ASIC4: variants seen among roughly 807,000 people sequenced by gnomAD.
The protein encoded by ASIC4 is acid-sensing ion channel 4.
A neutral mutation model predicts 53.4 loss-of-function variants in ASIC4; 28 were observed. The observed-to-expected ratio is 0.52, with a 90% CI of 0.39 to 0.72. ASIC4 has a LOEUF of 0.72. Ranked by LOEUF, ASIC4 falls within the 30% of genes least tolerant of loss-of-function variation. The pLI is 0.00. For missense variants in ASIC4, 649 were observed against 729.7 expected, an observed-to-expected ratio of 0.89 and a Z score of 1.27; for synonymous variants, 289 against 301.4, an observed-to-expected ratio of 0.96 and a Z score of 0.43.
chr2:219,514,407 C>A, upstream of ASIC4: 1 of 1,548,786 alleles, frequency 6.5e-7, no homozygotes. Flanking sequence ...CTCGCTCACT[C>A]GCTCGCTCGC....
the ASIC4 span, among the ~76,000 whole-genome samples, chr2:219,508,699 G>A: frequency 3.3e-5 from 5 of 151,552 alleles, no homozygotes; most frequent in African/African-American, 7.3e-5. Flanking sequence ...TTTGTCCACC[G>A]CTGCTGGGAC....
chr2:219,515,149 T>C lies in ASIC4; in HGVS notation c.425T>C (p.Leu142Pro). 6.2e-7 allele frequency: 1 copy of C among 1,614,210 alleles called. No individual in the cohort carries two copies. The highest frequency in any genetic ancestry group is 8.5e-7 in the Non-Finnish European group (1 of 1,180,034). ...TTCCACCTGGCCAATCTGACAGGGC[T>C]GCCCCCCAAAGACCGGGATGGGCAC... Reference protein sequence around the residue: ...DIFHLANLTGLPPKDRDGHRA... With the variant: ...DIFHLANLTGPPPKDRDGHRA... Residue 142 changes from leucine (L) to proline (P), a missense_variant, in exon 1 of 10, where the codon CTG becomes CCG. Coordinates refer to ENST00000358078, the MANE Select transcript of ASIC4 (RefSeq NM_018674.6).
At position 219,515,289 on chromosome 2, in the gene ASIC4, G is replaced by C; in HGVS notation, c.565G>C (p.Ala189Pro). ...CAACTTCAGTGGGCATCACTGCTCC[G>C]CCAGCAACTTCTCTGTGGTGAGTTC... is the stretch of plus-strand genomic sequence containing the variant. ...SCNFSGHHCS[A>P]SNFSVVYTRY... Residue 189 changes from alanine (A) to proline (P), a missense_variant, in exon 1 of 10, where the codon GCC becomes CCC. Physicochemically the swap from Ala to Pro is conservative, Grantham distance 27. Transcript: ENST00000358078. 6.2e-7 allele frequency: 1 copy of C among 1,610,398 alleles called. No homozygotes were observed.
chr2:219,528,738 C>T (rs1694996242), intron 1 of ASIC4, among the ~76,000 whole-genome samples: 1 of 152,124 alleles, frequency 6.6e-6, no homozygotes, highest in South Asian at 2.1e-4. Context: ...TGTGGTTTCA[C>T]CATGTTGGTC....
rs1490574988 is a variant in ASIC4, at chr2:219,514,778, C to T, written c.54C>T (p.Pro18=). The change falls in exon 1 of 10, where the codon CCC becomes CCT. Residue 18 remains proline (P), a synonymous_variant. Coordinates refer to ENST00000358078, the MANE Select transcript of ASIC4 (RefSeq NM_018674.6). ...KIKFAEEDAK[P]KEKEAGDEQS... ...AATTTGCTGAGGAGGATGCGAAACCCAAGGAGAAGGAGGCAGGGGATGAGC... is the reference window on the plus strand; with the variant it reads ...AATTTGCTGAGGAGGATGCGAAACCTAAGGAGAAGGAGGCAGGGGATGAGC... The T allele has an allele frequency of 1.2e-6, 2 of 1,613,536 alleles. No individual in the cohort carries two copies. Among genetic ancestry groups the T allele is most frequent in the Middle Eastern group, 3.3e-4 (2 of 6,062 alleles).
rs1317839699 is a variant in ASIC4, at chr2:219,514,985, C to T, written c.261C>T (p.Gly87=). ...CTGCCTTCCTGTACCAGGCGGCTGGCCTGGCCCGGGGCTACCTGACCCGGC... is the reference window on the plus strand; with the variant it reads ...CTGCCTTCCTGTACCAGGCGGCTGGTCTGGCCCGGGGCTACCTGACCCGGC... The part of the protein sequence containing the change: ...SLAAFLYQAA[G]LARGYLTRPH... The change falls in exon 1 of 10, where the codon GGC becomes GGT. Residue 87 remains glycine (G), a synonymous_variant. Transcript: ENST00000358078. The T allele has an allele frequency of 2.5e-6, 4 of 1,613,108 alleles. No homozygotes were observed. Among genetic ancestry groups the T allele is most frequent in the Middle Eastern group, 1.6e-4 (1 of 6,084 alleles).
At chr2:219,532,619 T>C (rs1378059419) in intron 4 of ASIC4, 142 bp downstream of exon 4, 6 of 1,232,322 alleles carry the variant, frequency 4.9e-6, no homozygotes, top group Non-Finnish European at 5.5e-6. Context: ...GTGTGAGTGT[T>C]TGGGATTTTT....
At chr2:219,529,147 T>C (rs900194762) in intron 1 of ASIC4, among the ~76,000 whole-genome samples, 2 of 152,232 alleles carry the variant, frequency 1.3e-5, no homozygotes, top group African/African-American at 4.8e-5. Context: ...CTCTGTAGAA[T>C]GGGGAGATAA....
chr2:219,523,105 C>T (rs1694913992), intron 1 of ASIC4, among the ~76,000 whole-genome samples: 1 of 151,372 alleles, frequency 6.6e-6, no homozygotes, highest in Non-Finnish European at 1.5e-5. Context: ...TCTGTCTTGT[C>T]TCCTGAACTC....
chr2:219,537,754 A>T lies in ASIC4; in HGVS notation c.1506+18A>T, dbSNP rs1695168520. 1.2e-6 allele frequency: 2 copies of T among 1,606,760 alleles called. No individual in the cohort carries two copies. The highest frequency in any genetic ancestry group is 1.7e-6 in the Non-Finnish European group (2 of 1,175,524). ...AGGAACAGGTGAGGACAAGCTCTAAATGCCTGCAGCATGCAGCCACACCTC... is the reference window on the plus strand; with the variant it reads ...AGGAACAGGTGAGGACAAGCTCTAATTGCCTGCAGCATGCAGCCACACCTC... On this transcript the variant is annotated intron_variant, in intron 9 of 9. Coordinates refer to ENST00000358078, the MANE Select transcript of ASIC4 (RefSeq NM_018674.6). This position sits in a 1 kb window ranked among gnomAD's most constrained non-coding sequence, Gnocchi z 4.9.
intron 1 of ASIC4, 84 bp downstream of exon 1, chr2:219,515,390 G>A (rs1694769954): frequency 2.7e-6 from 4 of 1,494,850 alleles, no homozygotes; most frequent in Non-Finnish European, 3.6e-6. Flanking sequence ...GTGTACAGGG[G>A]CATCCTCAAC....
upstream of ASIC4, chr2:219,514,233 C>T: frequency 7.7e-7 from 1 of 1,301,028 alleles, no homozygotes; most frequent in Non-Finnish European, 1.0e-6. Context: ...GGATCTCTGT[C>T]CTGGGCTGGG....
At position 219,531,900 on chromosome 2, in the gene ASIC4, C is replaced by G; in HGVS notation, c.725C>G (p.Thr242Arg). The G allele has an allele frequency of 6.2e-7, 1 of 1,610,912 alleles. No homozygotes were observed. Among genetic ancestry groups the G allele is most frequent in the Non-Finnish European group, 8.5e-7 (1 of 1,178,064 alleles). The change falls in exon 2 of 10, where the codon ACA (threonine) becomes AGA (arginine). Residue 242 changes from threonine to arginine, a missense_variant and splice_region_variant. Physicochemically the swap from Thr to Arg is moderately conservative, Grantham distance 71 (BLOSUM62 -1). Coordinates refer to ENST00000358078, the MANE Select transcript of ASIC4 (RefSeq NM_018674.6). ...GAGTACCTGCCCATCTGGAGGGAGA[C>G]AAGTACGCAGGCCGGAAAGGGACAA... ...QEEYLPIWRE[T>R]NETSFEAGIR...
intron 5 of ASIC4, among the ~76,000 whole-genome samples, chr2:219,534,923 C>CG (rs886147059): frequency 6.6e-6 from 1 of 152,088 alleles, no homozygotes; most frequent in Non-Finnish European, 1.5e-5. Flanking sequence ...AGGACCCCCC[C>CG]CCAGTCCCAG....
rs1695173331 is a variant in ASIC4, at chr2:219,537,943, C to CGAGCCG, written c.1519_1524dup (p.Ser507_Arg508dup). ...TTCTTTCTCCTGCAGAGTCCCTGCC[C>CGAGCCG]GAGCCGGGGCCGAGTGGAGGGTGGG... On this transcript the variant is annotated inframe_insertion, in exon 10 of 10. Transcript: ENST00000358078. This position sits in a 1 kb window ranked among gnomAD's most constrained non-coding sequence, Gnocchi z 4.9. 1.9e-6 allele frequency: 3 copies of CGAGCCG among 1,608,278 alleles called. No individual in the cohort carries two copies. Among genetic ancestry groups the CGAGCCG allele is most frequent in the Admixed American group, 1.7e-5 (1 of 59,344 alleles).
upstream of ASIC4, among the ~76,000 whole-genome samples, chr2:219,513,391 A>G (rs1428637503): frequency 6.6e-6 from 1 of 151,138 alleles, no homozygotes; most frequent in Non-Finnish European, 1.5e-5. Context: ...ACCCCCACCT[A>G]TGATGATGGC....
Position 219,536,777 on chromosome 2 carries a change from G to A in ASIC4, c.1230-289G>A, listed in dbSNP as rs565343497. ...GGGTCACTGAAGGGTCCGCAGAGGC[G>A]TAAGGAGGAGGCAAAGGCAACACCA... On this transcript the variant is annotated intron_variant, in intron 6 of 9. Coordinates refer to ENST00000358078, the MANE Select transcript of ASIC4 (RefSeq NM_018674.6). The surrounding 1 kb of genome is among the most constrained non-coding windows in gnomAD (Gnocchi z 4.6). Among the ~76,000 whole-genome samples the A allele has an allele frequency of 5.3e-5, 8 of 152,108 alleles. No individual in the cohort carries two copies. Among genetic ancestry groups the A allele is most frequent in the African/African-American group, 1.7e-4 (7 of 41,466 alleles).
chr2:219,522,171 C>T (rs564144828), intron 1 of ASIC4, among the ~76,000 whole-genome samples: 1 of 152,088 alleles, frequency 6.6e-6, no homozygotes, highest in African/African-American at 2.4e-5. Flanking sequence ...GAGATAGGCA[C>T]GGGCTGCAGC....
At chr2:219,522,395 T>TG (rs1169660461) in intron 1 of ASIC4, among the ~76,000 whole-genome samples, 3 of 8,874 alleles carry the variant, frequency 3.4e-4, no homozygotes, top group Non-Finnish European at 8.3e-4. Flanking sequence ...GAGGGTGGGG[T>TG]GGGGGCTGGG....
Sources: allele counts gnomAD v4.1 joint callset (sites outside exome capture counted in the v4.1 genomes callset), GRCh38; gene constraint gnomAD v4.1.1; non-coding constraint Gnocchi (gnomAD v3.1); transcripts MANE v1.5; gene names NCBI Gene and HGNC (gene_info 2026-07-23, HGNC 2026-07-21).